Variants in MYO5B observed in about 807,000 individuals in gnomAD.
MYO5B encodes the protein unconventional myosin-Vb.
In MYO5B, 143 loss-of-function variants were observed where a neutral mutation model predicts 229.3. The observed-to-expected ratio is 0.62, with a 90% CI of 0.54 to 0.72. The LOEUF (loss-of-function observed/expected upper bound fraction) is 0.72, where lower values mean the gene tolerates loss of function less well. Among genes scored for constraint, MYO5B ranks in the 30% least tolerant of loss-of-function variants. The pLI, the probability that MYO5B is intolerant of heterozygous loss-of-function variation, is 0.00. For synonymous variants in MYO5B, 918 were observed against 885.2 expected, an observed-to-expected ratio of 1.04 and a Z score of -0.66; for missense variants, 2,321 against 2,331.0, an observed-to-expected ratio of 1.00 and a Z score of 0.09.
chr18:50,159,721 G>A (rs570799041), intron 1 of MYO5B, among the ~76,000 whole-genome samples: 4 of 152,180 alleles, frequency 2.6e-5, no homozygotes, highest in South Asian at 2.1e-4. Flanking sequence ...GCCCCACGCC[G>A]CCAGCAACCA....
intron 17 of MYO5B, among the ~76,000 whole-genome samples, chr18:49,922,508 T>C (rs546843165): frequency 2.6e-5 from 4 of 152,224 alleles, no homozygotes; most frequent in Admixed American, 2.0e-4. Context: ...GTGAGGATGA[T>C]TCGACTGCAG....
intron 1 of MYO5B, among the ~76,000 whole-genome samples, chr18:50,166,359 G>T (rs957368372): frequency 6.6e-6 from 1 of 152,188 alleles, no homozygotes; most frequent in African/African-American, 2.4e-5. Flanking sequence ...TTTGGGTATG[G>T]CCATGCTTAG....
At chr18:50,074,775 C>T (rs2144455851) in intron 1 of MYO5B, among the ~76,000 whole-genome samples, 1 of 152,280 alleles carries the variant, frequency 6.6e-6, no homozygotes, top group African/African-American at 2.4e-5. Flanking sequence ...GTCTCATGCC[C>T]ATAAATATAA....
intron 17 of MYO5B, 110 bp downstream of exon 17, chr18:49,929,402 G>A (rs986417207): frequency 6.6e-5 from 56 of 850,378 alleles, no homozygotes; most frequent in East Asian, 4.2e-4. Context: ...TTTGGGAACC[G>A]TTTTGAAGGA....
intron 1 of MYO5B, among the ~76,000 whole-genome samples, chr18:50,167,839 C>T (rs1455141428): frequency 6.6e-6 from 1 of 152,156 alleles, no homozygotes; most frequent in East Asian, 1.9e-4. Context: ...ATAAATCAAG[C>T]CAAGCCCATC....
chr18:49,829,273 G>A (rs950231275), intron 39 of MYO5B, among the ~76,000 whole-genome samples: 7 of 150,772 alleles, frequency 4.6e-5, no homozygotes, highest in Non-Finnish European at 8.9e-5. Context: ...TGAAAGTGAG[G>A]ACATTACTGC....
At position 49,879,192 on chromosome 18, in the gene MYO5B, C is replaced by G. The variant is rs189045524; in HGVS notation, c.3131-102G>C. The stretch of plus-strand genomic sequence containing the variant: ...TCTCTTGTTAAGAGGCTGCCCATGA[C>G]GAGCTCATCAGAGGCTCTTGATGAA... On this transcript the variant is annotated intron_variant, in intron 23 of 39. Coordinates refer to ENST00000285039, the MANE Select transcript of MYO5B (RefSeq NM_001080467.3). 4.6e-4 allele frequency: 661 copies of G among 1,450,324 alleles called. 5 individuals carry two copies. The highest frequency in any genetic ancestry group is 4.1e-4 in the Admixed American group (24 of 58,728). The allele number at this position is 1,450,324 out of a possible 1,614,324, so 89.8% of individuals were successfully genotyped here.
chr18:49,945,557 CG>C (rs2025362767), intron 14 of MYO5B, among the ~76,000 whole-genome samples: 1 of 152,148 alleles, frequency 6.6e-6, no homozygotes. Flanking sequence ...GGCATACCTC[CG>C]GGCACACCTT....
chr18:49,842,319 A>C (rs2024068244), intron 34 of MYO5B, among the ~76,000 whole-genome samples: 1 of 152,160 alleles, frequency 6.6e-6, no homozygotes, highest in Non-Finnish European at 1.5e-5. Flanking sequence ...TATGTTTTAG[A>C]GCCGTGAGTG....
intron 7 of MYO5B, among the ~76,000 whole-genome samples, chr18:49,985,092 G>T (rs2025856999): frequency 6.6e-6 from 1 of 152,150 alleles, no homozygotes; most frequent in Non-Finnish European, 1.5e-5. Context: ...AACACAAAAG[G>T]CATATACGTC....
At chr18:50,018,560 T>A (rs1453034224) in intron 4 of MYO5B, among the ~76,000 whole-genome samples, 3 of 152,166 alleles carry the variant, frequency 2.0e-5, no homozygotes, top group African/African-American at 7.2e-5. Flanking sequence ...ATCTTCCGGG[T>A]AGGCACTTTC....
chr18:49,971,627 G>A (rs1454681206), intron 10 of MYO5B, among the ~76,000 whole-genome samples: 1 of 152,132 alleles, frequency 6.6e-6, no homozygotes. Flanking sequence ...AGACAGCCTG[G>A]GCCAGTCCAC....
chr18:49,943,329 C>A (rs2025337552), intron 14 of MYO5B, among the ~76,000 whole-genome samples: 1 of 151,932 alleles, frequency 6.6e-6, no homozygotes, highest in Non-Finnish European at 1.5e-5. Context: ...AACAAACCTG[C>A]ACGTTGTACC....
chr18:50,134,239 T>C (rs2032299345), intron 1 of MYO5B, among the ~76,000 whole-genome samples: 1 of 151,828 alleles, frequency 6.6e-6, no homozygotes, highest in Non-Finnish European at 1.5e-5. Context: ...TAAAAACAAG[T>C]AAAAATAGTG....
At chr18:49,984,119 G>A (rs760788758) in intron 8 of MYO5B, among the ~76,000 whole-genome samples, 43 of 152,210 alleles carry the variant, frequency 2.8e-4, no homozygotes, top group South Asian at 2.7e-3. Context: ...CTACTTTACC[G>A]CTTCTCCCCC....
At chr18:50,112,412 T>C (rs1460041310) in intron 1 of MYO5B, among the ~76,000 whole-genome samples, 3 of 151,698 alleles carry the variant, frequency 2.0e-5, no homozygotes, top group African/African-American at 7.3e-5. Flanking sequence ...CACCAAGACG[T>C]CCCCATCAAG....
chr18:49,849,333 C>T (rs2024170334), intron 32 of MYO5B, among the ~76,000 whole-genome samples: 1 of 152,212 alleles, frequency 6.6e-6, no homozygotes, highest in Admixed American at 6.5e-5. Flanking sequence ...CAGAGCCTTG[C>T]TCAGAGTAAG....
intron 26 of MYO5B, among the ~76,000 whole-genome samples, chr18:49,872,687 G>A (rs2024470118): frequency 6.6e-6 from 1 of 152,124 alleles, no homozygotes; most frequent in South Asian, 2.1e-4. Flanking sequence ...TGTGAAGATG[G>A]AGGCAGAAGC....
At chr18:50,142,905 A>G (rs2032439387) in intron 1 of MYO5B, among the ~76,000 whole-genome samples, 1 of 152,234 alleles carries the variant, frequency 6.6e-6, no homozygotes, top group Non-Finnish European at 1.5e-5. Flanking sequence ...GATGAGTGCC[A>G]GCAGACATAC....
Sources: gnomAD v4.1 joint callset for allele counts (sites outside exome capture counted in the v4.1 genomes callset) on GRCh38, gnomAD v4.1.1 for gene constraint, MANE v1.5 for transcripts, NCBI Gene and HGNC (gene_info 2026-07-23, HGNC 2026-07-21) for gene names.